Variants in NXPE2 observed in about 807,000 individuals in gnomAD.
NXPE2 encodes neurexophilin and PC-esterase domain family member 2.
Under a neutral mutation model 34.4 loss-of-function variants are expected in NXPE2, and 34 were observed. That is an observed-to-expected ratio of 0.99 (90% confidence interval 0.75 to 1.31). NXPE2 has a LOEUF of 1.31. NXPE2 is among the 40% of genes most tolerant of loss of function. The probability of loss-of-function intolerance (pLI) is 0.00; values close to 1 mark genes in which losing one functional copy is unlikely to be tolerated. For synonymous variants in NXPE2, 235 were observed against 231.3 expected (o/e 1.02, Z -0.15); for missense variants, 649 against 672.5 (o/e 0.97, Z 0.39).
the NXPE2 span, among the ~76,000 whole-genome samples, chr11:114,754,127 A>G: frequency 6.6e-6 from 1 of 152,226 alleles, no homozygotes; most frequent in African/African-American, 2.4e-5. Context: ...TAGAGAAAAT[A>G]CTATAATGAT....
the NXPE2 span, chr11:114,571,489 C>A: frequency 6.4e-7 from 1 of 1,568,998 alleles, no homozygotes; most frequent in Non-Finnish European, 8.7e-7. Flanking sequence ...AACAAATAGG[C>A]AATCCCAAAA....
intron 3 of NXPE2, among the ~76,000 whole-genome samples, chr11:114,700,667 T>C (rs1951349210): frequency 6.6e-6 from 1 of 152,124 alleles, no homozygotes; most frequent in South Asian, 2.1e-4. Flanking sequence ...TAACTATTTG[T>C]TGAATAAAAA....
chr11:114,691,339 G>C (rs1951145098), intron 2 of NXPE2, among the ~76,000 whole-genome samples: 1 of 151,822 alleles, frequency 6.6e-6, no homozygotes, highest in African/African-American at 2.4e-5. Context: ...GTGCTTTCAG[G>C]GTGCCTAAGC....
the NXPE2 span, among the ~76,000 whole-genome samples, chr11:114,635,103 A>G: frequency 6.6e-6 from 1 of 151,502 alleles, no homozygotes; most frequent in Non-Finnish European, 1.5e-5. Flanking sequence ...TGAGCATGGA[A>G]TGTTCTTCCA....
chr11:114,690,350 A>G (rs1488095089), intron 2 of NXPE2, among the ~76,000 whole-genome samples: 1 of 152,136 alleles, frequency 6.6e-6, no homozygotes. Flanking sequence ...TCCTTCATTT[A>G]TGAAGCTTAG....
At chr11:114,483,365 T>C in the NXPE2 span, among the ~76,000 whole-genome samples, 2 of 152,228 alleles carry the variant, frequency 1.3e-5, no homozygotes. Flanking sequence ...TGTGTTCAAA[T>C]CTTAGCTCTG....
At chr11:114,490,889 G>C in the NXPE2 span, among the ~76,000 whole-genome samples, 2 of 152,208 alleles carry the variant, frequency 1.3e-5, no homozygotes, top group South Asian at 2.1e-4. Flanking sequence ...GCGGCCGGGC[G>C]CGGTGGCTCA....
the NXPE2 span, among the ~76,000 whole-genome samples, chr11:114,491,870 G>T: frequency 1.3e-5 from 2 of 152,160 alleles, no homozygotes; most frequent in African/African-American, 4.8e-5. Context: ...GGACATGGAT[G>T]AAGCTGGAAA....
At chr11:114,625,694 G>C in the NXPE2 span, among the ~76,000 whole-genome samples, 1 of 152,152 alleles carries the variant, frequency 6.6e-6, no homozygotes, top group Non-Finnish European at 1.5e-5. Context: ...AGTAGGAACA[G>C]CCCCGGTCTA....
At chr11:114,465,857 C>T in the NXPE2 span, among the ~76,000 whole-genome samples, 11 of 152,208 alleles carry the variant, frequency 7.2e-5, no homozygotes, top group South Asian at 2.1e-4. Flanking sequence ...AACTTAACAA[C>T]GGCATGGCGC....
chr11:114,636,609 A>G, the NXPE2 span, among the ~76,000 whole-genome samples: 14 of 151,896 alleles, frequency 9.2e-5, no homozygotes, highest in Non-Finnish European at 2.1e-4. Context: ...TAGTGCTATA[A>G]ATTTCCCTCT....
At chr11:114,779,850 C>T in the NXPE2 span, among the ~76,000 whole-genome samples, 3 of 152,244 alleles carry the variant, frequency 2.0e-5, no homozygotes, top group East Asian at 3.9e-4. Context: ...TTTCCTGTCT[C>T]GAACCCCTCC....
At chr11:114,521,774 T>A in the NXPE2 span, 2 of 536,688 alleles carry the variant, frequency 3.7e-6, no homozygotes, top group African/African-American at 3.8e-5. Flanking sequence ...CATGGTATAG[T>A]CATTCTTCAT....
At chr11:114,664,238 A>C in the NXPE2 span, among the ~76,000 whole-genome samples, 1 of 152,202 alleles carries the variant, frequency 6.6e-6, no homozygotes, top group Admixed American at 6.5e-5. Flanking sequence ...GCAGTATGCC[A>C]AGAAAAAGAA....
chr11:114,569,530 G>T, the NXPE2 span, among the ~76,000 whole-genome samples: 1 of 152,122 alleles, frequency 6.6e-6, no homozygotes, highest in East Asian at 1.9e-4. Flanking sequence ...ATTGGAACTG[G>T]TACTCTGCCC....
chr11:114,490,426 G>T, the NXPE2 span, among the ~76,000 whole-genome samples: 173 of 152,270 alleles, frequency 1.1e-3, 1 homozygote, highest in Non-Finnish European at 5.3e-4. Flanking sequence ...AAAGCTGGAG[G>T]CATCACGCTA....
At chr11:114,556,029 G>T in the NXPE2 span, among the ~76,000 whole-genome samples, 1 of 152,140 alleles carries the variant, frequency 6.6e-6, no homozygotes, top group Non-Finnish European at 1.5e-5. Flanking sequence ...ACCTAAGGGT[G>T]GAATGACAGG....
chr11:114,587,447 T>C, the NXPE2 span, among the ~76,000 whole-genome samples: 1 of 152,336 alleles, frequency 6.6e-6, no homozygotes, highest in African/African-American at 2.4e-5. Flanking sequence ...CAAATGTAAC[T>C]GTAACGAAGT....
At chr11:114,489,003 G>T in the NXPE2 span, among the ~76,000 whole-genome samples, 2 of 151,872 alleles carry the variant, frequency 1.3e-5, no homozygotes, top group South Asian at 2.1e-4. Context: ...TCAAATAGAC[G>T]CAATAAAAAA....
Sources: gnomAD v4.1 joint callset for allele counts (sites outside exome capture counted in the v4.1 genomes callset) on GRCh38, gnomAD v4.1.1 for gene constraint, MANE v1.5 for transcripts, NCBI Gene and HGNC (gene_info 2026-07-23, HGNC 2026-07-21) for gene names.